The following ATP5PO variants were observed in gnomAD, a reference collection of about 807,000 sequenced individuals.
The protein encoded by ATP5PO is ATP synthase peripheral stalk subunit OSCP.
Under a neutral mutation model 26.2 loss-of-function variants are expected in ATP5PO, and 14 were observed. That is an observed-to-expected ratio of 0.53 (90% confidence interval 0.35 to 0.83). The LOEUF is 0.83. Ranked by LOEUF, ATP5PO falls within the 40% of genes least tolerant of loss-of-function variation. The pLI is 0.01. For synonymous variants in ATP5PO, 106 were observed against 95.1 expected (o/e 1.12, Z -0.67); for missense variants, 241 against 258.5 (o/e 0.93, Z 0.46).
At chr21:33,912,450 A>G (rs1398130587) in intron 2 of ATP5PO, 51 bp from the exon 3 acceptor site, 2 of 1,300,122 alleles carry the variant, frequency 1.5e-6, no homozygotes, top group Non-Finnish European at 2.2e-6. Context: ...AAATCAGTTA[A>G]TAGTATACTC....
At chr21:33,915,688 G>A (rs868418588) in intron 1 of ATP5PO, 40 bp downstream of exon 1, 1 of 1,556,560 alleles carries the variant, frequency 6.4e-7, no homozygotes, top group South Asian at 1.2e-5. Context: ...CATCCCAGGA[G>A]GGATCCTCCC....
intron 2 of ATP5PO, among the ~76,000 whole-genome samples, chr21:33,913,014 C>T (rs1987269383): frequency 6.6e-6 from 1 of 152,214 alleles, no homozygotes; most frequent in East Asian, 1.9e-4. Context: ...CTTAGTGGTG[C>T]TGTATGGTTG....
At chr21:33,904,776 T>C (rs13052095) in intron 5 of ATP5PO, among the ~76,000 whole-genome samples, 37,950 of 152,180 alleles carry the variant, frequency 0.25, 5,346 homozygotes, top group East Asian at 0.36. Flanking sequence ...AGTCTCGCTC[T>C]GTCACCCAGG....
At chr21:33,912,213 T>C in intron 3 of ATP5PO, 76 bp downstream of exon 3, 2 of 1,285,090 alleles carry the variant, frequency 1.6e-6, no homozygotes, top group Non-Finnish European at 2.2e-6. Context: ...TACACCTCAT[T>C]AGGAATGCAC....
chr21:33,908,844 A>G (rs550041321), intron 4 of ATP5PO: 13 of 412,420 alleles, frequency 3.2e-5, no homozygotes, highest in African/African-American at 1.8e-4. Flanking sequence ...CTGACTATAC[A>G]ATTAGACATG....
At chr21:33,912,186 A>G (rs974156334) in intron 3 of ATP5PO, 103 bp downstream of exon 3, 2 of 882,782 alleles carry the variant, frequency 2.3e-6, no homozygotes, top group African/African-American at 1.7e-5. Context: ...GCTTTTTCCC[A>G]GTTTTTTCTT....
At chr21:33,904,450 T>G (rs2148605022) in intron 5 of ATP5PO, among the ~76,000 whole-genome samples, 1 of 152,306 alleles carries the variant, frequency 6.6e-6, no homozygotes. Flanking sequence ...GCTGAAAAGT[T>G]GCCATTTTAA....
chr21:33,907,161 A>G (rs1236749238), intron 5 of ATP5PO, 180 bp downstream of exon 5: 1 of 584,616 alleles, frequency 1.7e-6, no homozygotes, highest in Non-Finnish European at 3.0e-6. Flanking sequence ...CTAATAAGAT[A>G]CACGCTGGCT....
Position 33,909,067 on chromosome 21 carries a change from A to T in ATP5PO, c.328+15T>A. The T allele has an allele frequency of 6.3e-7, 1 of 1,576,266 alleles. No homozygotes were observed. Among genetic ancestry groups the T allele is most frequent in the Non-Finnish European group, 8.6e-7 (1 of 1,157,918 alleles). ...AGTTTCAAGACACCTCAAATGAAAA[A>T]GTTCTAATACTCACTGATCAGATTG... On this transcript the variant is annotated intron_variant, in intron 4 of 6. Transcript: ENST00000290299.
In ATP5PO at chr21:33,903,946, A is replaced by C. The variant is rs371730880; in HGVS notation, c.517T>G (p.Leu173Val). The change falls in exon 6 of 7, where the codon TTG becomes GTG. Residue 173 changes from leucine to valine, a missense_variant. Leu to Val is a conservative substitution (Grantham distance 32, BLOSUM62 1). This residue lies in a region of ATP5PO where 77 missense variants were observed against 74.5 expected (regional missense o/e 1.03). Coordinates refer to ENST00000290299, the MANE Select transcript of ATP5PO (RefSeq NM_001697.3). ...SFLSQGQVLK[L>V]EAKTDPSILG... is the part of the protein sequence containing the mutation. Reference sequence around the variant, plus strand: ...AATTTAAAACCTACCTTAGCCTCCAATTTCAATACTTGGCCTTGACTTAGG... The same window carrying C: ...AATTTAAAACCTACCTTAGCCTCCACTTTCAATACTTGGCCTTGACTTAGG... The C allele has an allele frequency of 2.5e-6, 4 of 1,610,330 alleles. No individual in the cohort carries two copies. The highest frequency in any genetic ancestry group is 3.4e-6 in the Non-Finnish European group (4 of 1,178,082).
In ATP5PO at chr21:33,903,954, A is replaced by G. The variant is rs1181643542; in HGVS notation, c.509T>C (p.Val170Ala). The G allele has an allele frequency of 6.8e-6, 11 of 1,612,278 alleles. No individual in the cohort carries two copies. In the South Asian group the frequency reaches 1.2e-4, roughly 18 times the overall value. ...ACCTACCTTAGCCTCCAATTTCAATACTTGGCCTTGACTTAGGAAGCTCTT... is the reference window on the plus strand; with the variant it reads ...ACCTACCTTAGCCTCCAATTTCAATGCTTGGCCTTGACTTAGGAAGCTCTT... The part of the protein sequence containing the change: ...VLKSFLSQGQ[V>A]LKLEAKTDPS... The change falls in exon 6 of 7, where the codon GTA (valine) becomes GCA (alanine). Residue 170 changes from valine to alanine, a missense_variant. Val to Ala is a moderately conservative substitution (Grantham distance 64). Coordinates refer to ENST00000290299, the MANE Select transcript of ATP5PO (RefSeq NM_001697.3).
chr21:33,910,326 C>T (rs564612235), intron 3 of ATP5PO, among the ~76,000 whole-genome samples: 13 of 152,094 alleles, frequency 8.5e-5, no homozygotes, highest in Non-Finnish European at 1.8e-4. Context: ...ACAGAAATGA[C>T]ATTTTTCCAT....
At chr21:33,913,621 G>C (rs999382030) in intron 2 of ATP5PO, among the ~76,000 whole-genome samples, 5 of 152,130 alleles carry the variant, frequency 3.3e-5, no homozygotes, top group Admixed American at 6.6e-5. Context: ...CTCTTTATCC[G>C]GGGTCAACTG....
At chr21:33,908,544 C>T (rs1987205374) in intron 4 of ATP5PO, among the ~76,000 whole-genome samples, 2 of 152,006 alleles carry the variant, frequency 1.3e-5, no homozygotes, top group African/African-American at 4.8e-5. Flanking sequence ...CCCATCTCTA[C>T]AAAAAATACA....
intron 3 of ATP5PO, among the ~76,000 whole-genome samples, chr21:33,911,662 G>GT (rs58774588): frequency 0.34 from 31,033 of 91,056 alleles, 6,258 homozygotes; most frequent in Admixed American, 0.42. Flanking sequence ...ATAAGCATAG[G>GT]TTTTTTTTTT....
intron 5 of ATP5PO, among the ~76,000 whole-genome samples, chr21:33,905,918 G>GAAAAAAAAAAAAAAAAAAAAAAAAAAA (rs59334506): frequency 2.0e-5 from 2 of 98,434 alleles, no homozygotes; most frequent in Non-Finnish European, 3.8e-5. Flanking sequence ...TCTCAAAAAA[G>GAAAAAAAAAAAAAAAAAAAAAAAAAAA]AAAAAAAAAA....
At chr21:33,906,009 G>A (rs1054042314) in intron 5 of ATP5PO, among the ~76,000 whole-genome samples, 3 of 151,872 alleles carry the variant, frequency 2.0e-5, no homozygotes, top group African/African-American at 7.3e-5. Flanking sequence ...CCGTGGGGCA[G>A]GTGAATGTCT....
At position 33,904,001 on chromosome 21, in the gene ATP5PO, G is replaced by T. The variant is rs768740177; in HGVS notation, c.462C>A (p.Leu154=). ...TCTTGAGGACAGTTTTTAATTCAGA[G>T]AGTGTGGCTTCTTCTAAAGGCTGAA... ...TSASPLEEAT[L]SELKTVLKSF... The change falls in exon 6 of 7, where the codon CTC becomes CTA. Residue 154 remains leucine (L), a synonymous_variant. Coordinates refer to ENST00000290299, the MANE Select transcript of ATP5PO (RefSeq NM_001697.3). 9 of 1,612,920 alleles carry T rather than the reference G, an allele frequency of 5.6e-6. No individual in the cohort carries two copies. In the South Asian group the frequency reaches 9.9e-5, roughly 18 times the overall value.
At chr21:33,915,589 C>T in intron 1 of ATP5PO, 139 bp downstream of exon 1, 1 of 1,313,226 alleles carries the variant, frequency 7.6e-7, no homozygotes, top group Non-Finnish European at 1.0e-6. Context: ...TCCTGAGTCG[C>T]TCCCACTCGC....
Sources: gnomAD v4.1 joint callset for allele counts (sites outside exome capture counted in the v4.1 genomes callset) on GRCh38, gnomAD v4.1.1 for gene constraint, gnomAD v4.1.1 regional missense constraint, MANE v1.5 for transcripts, NCBI Gene and HGNC (gene_info 2026-07-23, HGNC 2026-07-21) for gene names.